Variants in LRP1B observed in about 807,000 individuals in gnomAD.
LRP1B encodes the protein LDL receptor related protein 1B.
Under a neutral mutation model 556.6 loss-of-function variants are expected in LRP1B, and 217 were observed. The ratio of observed to expected loss-of-function variants is 0.39; its 90% CI spans 0.35 to 0.44. The LOEUF is 0.44. Among genes scored for constraint, LRP1B ranks in the 20% least tolerant of loss-of-function variants. The pLI, the probability that LRP1B is intolerant of heterozygous loss-of-function variation, is 1.00. For synonymous variants in LRP1B, 2,047 were observed against 1,865.8 expected, an observed-to-expected ratio of 1.10 and a Z score of -2.50; for missense variants, 5,053 against 5,620.8, an observed-to-expected ratio of 0.90 and a Z score of 3.23.
chr2:141,994,369 CAAT>C (rs775034867), intron 1 of LRP1B, among the ~76,000 whole-genome samples: 25 of 152,094 alleles, frequency 1.6e-4, no homozygotes, highest in Non-Finnish European at 2.6e-4. Context: ...TTTATGAACA[CAAT>C]GATGGTTTCT....
chr2:141,243,041 G>A lies in LRP1B; in HGVS notation c.592+4185C>T, dbSNP rs150456481. 6.4e-3 allele frequency among the ~76,000 whole-genome samples: 976 copies of A among 152,098 alleles called. 4 individuals carry two copies. Among genetic ancestry groups the A allele is most frequent in the Non-Finnish European group, 0.011 (761 of 68,002 alleles). ...ATGTTTTTATTTTCATATTTGACAA[G>A]TCATTACTACAACTCTACTCTCAAA... is the stretch of plus-strand genomic sequence containing the variant. On this transcript the variant is annotated intron_variant, in intron 5 of 90. Coordinates refer to ENST00000389484, the MANE Select transcript of LRP1B (RefSeq NM_018557.3).
intron 3 of LRP1B, among the ~76,000 whole-genome samples, chr2:141,369,624 G>A (rs987076506): frequency 8.6e-5 from 13 of 152,046 alleles, no homozygotes; most frequent in Non-Finnish European, 1.5e-4. Context: ...TTCCAAGATA[G>A]AGTATAAGCA....
At position 141,423,779 on chromosome 2, in the gene LRP1B, C is replaced by G. The variant is rs1469676207; in HGVS notation, c.343+56617G>C. On this transcript the variant is annotated intron_variant, in intron 3 of 90. Coordinates refer to ENST00000389484, the MANE Select transcript of LRP1B (RefSeq NM_018557.3). ...ACATTAATTATGTATCTATAAATTA[C>G]ATTTAATATACTACTGTTTTCATTA... is the stretch of plus-strand genomic sequence containing the variant. Among the ~76,000 whole-genome samples, 8 of 151,726 alleles carry G rather than the reference C, an allele frequency of 5.3e-5. No homozygotes were observed. The East Asian group carries it at 1.6e-3, about 30-fold the overall frequency.
intron 7 of LRP1B, among the ~76,000 whole-genome samples, chr2:141,081,214 A>C (rs1418891762): frequency 6.6e-6 from 1 of 152,120 alleles, no homozygotes; most frequent in Non-Finnish European, 1.5e-5. Flanking sequence ...TTTGTATTAG[A>C]AATACACAAT....
intron 43 of LRP1B, among the ~76,000 whole-genome samples, chr2:140,590,291 CATATATA>C (rs1221564645): frequency 7.0e-6 from 1 of 143,814 alleles, no homozygotes; most frequent in African/African-American, 2.5e-5. Flanking sequence ...TCTATATATG[CATATATA>C]ATATATATTT....
At chr2:141,947,767 T>C (rs1398348553) in intron 1 of LRP1B, among the ~76,000 whole-genome samples, 1 of 151,316 alleles carries the variant, frequency 6.6e-6, no homozygotes, top group African/African-American at 2.4e-5. Flanking sequence ...AATACTTATC[T>C]CTAAAATTCT....
chr2:141,788,179 A>C (rs755024734), intron 2 of LRP1B, among the ~76,000 whole-genome samples: 10 of 152,040 alleles, frequency 6.6e-5, no homozygotes, highest in Admixed American at 6.6e-4. Context: ...AGATAAAACT[A>C]GTAGCTTTTT....
At chr2:141,357,240 G>C (rs1688661239) in intron 3 of LRP1B, among the ~76,000 whole-genome samples, 1 of 151,900 alleles carries the variant, frequency 6.6e-6, no homozygotes, top group South Asian at 2.1e-4. Flanking sequence ...ATTTTTAGTA[G>C]AGGTGGGTTT....
chr2:140,977,255 G>A (rs140004181), intron 18 of LRP1B, among the ~76,000 whole-genome samples: 352 of 152,196 alleles, frequency 2.3e-3, no homozygotes, highest in African/African-American at 8.2e-3. Flanking sequence ...GGTATCATTA[G>A]GGGGAGTTTC....
At chr2:141,205,970 T>C (rs991239426) in intron 6 of LRP1B, among the ~76,000 whole-genome samples, 18 of 152,138 alleles carry the variant, frequency 1.2e-4, no homozygotes, top group African/African-American at 4.1e-4. Flanking sequence ...GTTTCTGAAA[T>C]CACTTGAGAG....
intron 24 of LRP1B, among the ~76,000 whole-genome samples, chr2:140,884,779 C>T (rs1424753785): frequency 1.3e-5 from 2 of 152,098 alleles, no homozygotes; most frequent in Admixed American, 1.3e-4. Context: ...ATGGTGTGAT[C>T]ACGGCTCATT....
chr2:141,650,037 C>T (rs113618526), intron 2 of LRP1B, among the ~76,000 whole-genome samples: 60 of 152,102 alleles, frequency 3.9e-4, no homozygotes, highest in South Asian at 8.3e-4. Flanking sequence ...AAAGTTAGCG[C>T]GGCATGGTGG....
intron 3 of LRP1B, among the ~76,000 whole-genome samples, chr2:141,302,377 C>T (rs1210776770): frequency 1.3e-5 from 2 of 152,022 alleles, no homozygotes; most frequent in East Asian, 3.9e-4. Context: ...AACAGTATTC[C>T]TTGTTCTTCA....
intron 3 of LRP1B, among the ~76,000 whole-genome samples, chr2:141,268,525 T>C (rs1382647590): frequency 6.6e-6 from 1 of 152,070 alleles, no homozygotes; most frequent in African/African-American, 2.4e-5. Flanking sequence ...TGTCACTCAA[T>C]GAAATCGTGC....
intron 2 of LRP1B, among the ~76,000 whole-genome samples, chr2:141,730,281 T>C (rs1693221628): frequency 6.6e-6 from 1 of 152,066 alleles, no homozygotes; most frequent in African/African-American, 2.4e-5. Context: ...GGACCAGGGT[T>C]TGGGCACAGA....
At chr2:141,564,599 A>G (rs998902089) in intron 2 of LRP1B, among the ~76,000 whole-genome samples, 1 of 152,082 alleles carries the variant, frequency 6.6e-6, no homozygotes, top group Non-Finnish European at 1.5e-5. Context: ...TTCTCCTGTT[A>G]TGATCCCCGA....
intron 32 of LRP1B, among the ~76,000 whole-genome samples, chr2:140,812,346 T>C (rs1024641658): frequency 6.6e-6 from 1 of 152,042 alleles, no homozygotes; most frequent in Non-Finnish European, 1.5e-5. Flanking sequence ...GAAATAGAGA[T>C]CATCTTAACA....
At chr2:141,418,430 A>ATTT (rs1227512681) in intron 3 of LRP1B, among the ~76,000 whole-genome samples, 6 of 108,334 alleles carry the variant, frequency 5.5e-5, no homozygotes, top group Non-Finnish European at 7.7e-5. Flanking sequence ...ACAGAGCACA[A>ATTT]TATTTTTTTT....
chr2:141,098,679 C>A (rs184856087), intron 7 of LRP1B, among the ~76,000 whole-genome samples: 11 of 150,938 alleles, frequency 7.3e-5, no homozygotes, highest in Admixed American at 6.6e-4. Context: ...GATTTGGAGA[C>A]GGAGTTTCAC....
Sources: gnomAD v4.1 joint callset for allele counts (sites outside exome capture counted in the v4.1 genomes callset) on GRCh38, gnomAD v4.1.1 for gene constraint, MANE v1.5 for transcripts, NCBI Gene and HGNC (gene_info 2026-07-23, HGNC 2026-07-21) for gene names.